MAJIN: variants seen among roughly 807,000 people sequenced by gnomAD.
The protein encoded by MAJIN is membrane-anchored junction protein.
In MAJIN, 27 loss-of-function variants were observed where a neutral mutation model predicts 30.2. The observed-to-expected ratio is 0.89, with a 90% CI of 0.66 to 1.23. The LOEUF (loss-of-function observed/expected upper bound fraction) is 1.23, where lower values mean the gene tolerates loss of function less well. MAJIN is among the 50% of genes most tolerant of loss of function. MAJIN has a pLI of 0.00. For synonymous variants in MAJIN, 78 were observed against 91.6 expected (o/e 0.85, Z 0.85); for missense variants, 253 against 260.3 (o/e 0.97, Z 0.19).
intron 1 of MAJIN, among the ~76,000 whole-genome samples, chr11:64,964,881 C>T (rs953539198): frequency 6.6e-6 from 1 of 152,100 alleles, no homozygotes; most frequent in Non-Finnish European, 1.5e-5. Flanking sequence ...CCACTGCACC[C>T]GGCCTAATGT....
intron 1 of MAJIN, among the ~76,000 whole-genome samples, chr11:64,964,978 C>T (rs1231613896): frequency 6.6e-6 from 1 of 152,126 alleles, no homozygotes; most frequent in African/African-American, 2.4e-5. Context: ...CTCTATTATT[C>T]TCAGTTTTCT....
intron 1 of MAJIN, among the ~76,000 whole-genome samples, chr11:64,966,180 A>G (rs1590708727): frequency 7.0e-6 from 1 of 143,480 alleles, no homozygotes; most frequent in Admixed American, 6.9e-5. Context: ...CAGCAGCAGT[A>G]GTTTCAGAAG....
chr11:64,955,322 GA>G (rs35508935), intron 3 of MAJIN, among the ~76,000 whole-genome samples: 1 of 150,594 alleles, frequency 6.6e-6, no homozygotes, highest in East Asian at 1.9e-4. Context: ...TGAGGAAGCA[GA>G]AAAAAAAAGC....
At chr11:64,939,391 G>A (rs531833679) in intron 10 of MAJIN, among the ~76,000 whole-genome samples, 43 of 152,274 alleles carry the variant, frequency 2.8e-4, no homozygotes, top group Admixed American at 7.2e-4. Context: ...TGAGCCACCC[G>A]GCCTGGCCCA....
rs932045429 is a variant in MAJIN at position 64,949,878 on chromosome 11, G to T, written c.224-10C>A. ...TCCCATTTGCTTTTATCTGGAAAATGGTGCTAAGGAGTAAGGAAAGATGCC... is the reference window on the plus strand; with the variant it reads ...TCCCATTTGCTTTTATCTGGAAAATTGTGCTAAGGAGTAAGGAAAGATGCC... On this transcript the variant is annotated splice_polypyrimidine_tract_variant and intron_variant, in intron 5 of 10. Coordinates refer to ENST00000301896, the MANE Select transcript of MAJIN (RefSeq NM_001037225.3). 6.2e-7 allele frequency: 1 copy of T among 1,601,330 alleles called. No individual in the cohort carries two copies. The highest frequency in any genetic ancestry group is 8.5e-7 in the Non-Finnish European group (1 of 1,179,662).
At chr11:64,956,389 T>C (rs1590701168) in intron 3 of MAJIN, among the ~76,000 whole-genome samples, 1 of 151,940 alleles carries the variant, frequency 6.6e-6, no homozygotes, top group South Asian at 2.1e-4. Flanking sequence ...CTTGGGAGGT[T>C]GCAGTAGGAG....
At chr11:64,945,689 C>T (rs1945440859) in intron 8 of MAJIN, among the ~76,000 whole-genome samples, 1 of 151,988 alleles carries the variant, frequency 6.6e-6, no homozygotes, top group Admixed American at 6.6e-5. Flanking sequence ...GTGCCCACCA[C>T]CACACTTGGC....
At chr11:64,957,790 G>C (rs193158603) in intron 3 of MAJIN, among the ~76,000 whole-genome samples, 1 of 151,912 alleles carries the variant, frequency 6.6e-6, no homozygotes, top group Non-Finnish European at 1.5e-5. Flanking sequence ...TCCACCTCCC[G>C]GGTTCAAGCG....
intron 1 of MAJIN, among the ~76,000 whole-genome samples, chr11:64,966,108 C>T (rs1022221126): frequency 3.1e-5 from 4 of 128,656 alleles, no homozygotes; most frequent in Admixed American, 8.6e-5. Context: ...GGGTGAGCTG[C>T]CCAGAAGCAG....
intron 7 of MAJIN, 115 bp from the exon 8 acceptor site, chr11:64,947,580 C>A: frequency 8.9e-7 from 1 of 1,127,544 alleles, no homozygotes; most frequent in Non-Finnish European, 1.3e-6. Context: ...CTTTTAACAC[C>A]AGCTTTGCAA....
chr11:64,949,107 GA>G (rs1347330749), intron 6 of MAJIN, among the ~76,000 whole-genome samples: 4 of 150,288 alleles, frequency 2.7e-5, no homozygotes. Context: ...AGGATCGCTT[GA>G]GCCCAGGAGT....
intron 3 of MAJIN, 101 bp from the exon 4 acceptor site, chr11:64,954,903 AACATG>A: frequency 1.9e-6 from 2 of 1,027,644 alleles, no homozygotes; most frequent in Non-Finnish European, 2.8e-6. Flanking sequence ...GAGCTAAAGA[AACATG>A]ACATAAGTAA....
intron 1 of MAJIN, among the ~76,000 whole-genome samples, chr11:64,963,174 G>A (rs549816442): frequency 1.3e-5 from 2 of 152,210 alleles, no homozygotes; most frequent in South Asian, 4.1e-4. Context: ...CTACTTTCCA[G>A]GAAATCAATT....
At chr11:64,965,717 G>C (rs189099252) in intron 1 of MAJIN, among the ~76,000 whole-genome samples, 28 of 152,210 alleles carry the variant, frequency 1.8e-4, no homozygotes, top group African/African-American at 6.5e-4. Context: ...AGCACTTTGG[G>C]AGGCCGAGGC....
chr11:64,956,109 T>G (rs1044363754), intron 3 of MAJIN, among the ~76,000 whole-genome samples: 1 of 152,180 alleles, frequency 6.6e-6, no homozygotes, highest in Non-Finnish European at 1.5e-5. Context: ...GAAACCAGCC[T>G]GATCAACATG....
At chr11:64,947,966 T>G in intron 6 of MAJIN, 147 bp from the exon 7 acceptor site, 1 of 699,416 alleles carries the variant, frequency 1.4e-6, no homozygotes, top group Non-Finnish European at 2.4e-6. Flanking sequence ...TTCAAGCGAT[T>G]CTCCTCCCTC....
At chr11:64,953,530 C>T (rs898299650) in intron 4 of MAJIN, among the ~76,000 whole-genome samples, 5 of 152,178 alleles carry the variant, frequency 3.3e-5, no homozygotes, top group African/African-American at 7.2e-5. Flanking sequence ...CAGTGGCTCA[C>T]ACCTGTAATC....
Position 64,938,436 on chromosome 11 carries a change from C to A in MAJIN, c.*139G>T. On this transcript the variant is annotated 3_prime_UTR_variant, in exon 11 of 11. Coordinates refer to ENST00000301896, the MANE Select transcript of MAJIN (RefSeq NM_001037225.3). ...ACCTCATTCCCCACGACTGAAGTGT[C>A]ATAAGAAAAGGATAGAGTTGGAGGA... 7.1e-7 allele frequency: 1 copy of A among 1,408,960 alleles called. No individual in the cohort carries two copies. The highest frequency in any genetic ancestry group is 1.2e-5 in the South Asian group (1 of 81,286). 87.3% of individuals were successfully genotyped at this position (1,408,960 alleles called of 1,614,324 possible).
At chr11:64,965,507 C>T (rs553012226) in intron 1 of MAJIN, among the ~76,000 whole-genome samples, 2 of 152,264 alleles carry the variant, frequency 1.3e-5, no homozygotes, top group East Asian at 3.9e-4. Flanking sequence ...TGCATCTTCC[C>T]CTTTCACCTT....
Sources: allele counts gnomAD v4.1 joint callset (sites outside exome capture counted in the v4.1 genomes callset), GRCh38; gene constraint gnomAD v4.1.1; transcripts MANE v1.5; gene names NCBI Gene and HGNC (gene_info 2026-07-23, HGNC 2026-07-21).